RIT2: variants seen among roughly 807,000 people sequenced by gnomAD.
The protein encoded by RIT2 is GTP-binding protein Rit2.
A neutral mutation model predicts 23.7 loss-of-function variants in RIT2; 24 were observed. The ratio of observed to expected loss-of-function variants is 1.01; its 90% CI spans 0.73 to 1.43. The LOEUF (loss-of-function observed/expected upper bound fraction) is 1.43. Among genes scored for constraint, RIT2 ranks in the 40% most tolerant of loss-of-function variants. The probability of loss-of-function intolerance (pLI) is 0.00; values close to 1 mark genes in which losing one functional copy is unlikely to be tolerated. For synonymous variants in RIT2, 107 were observed against 91.1 expected, an observed-to-expected ratio of 1.17 and a Z score of -0.99; for missense variants, 236 against 266.9, an observed-to-expected ratio of 0.88 and a Z score of 0.81.
In RIT2 at chr18:42,848,831, G is replaced by A. The variant is rs79446258; in HGVS notation, c.426+74741C>T. Among the ~76,000 whole-genome samples, 423 of 152,244 alleles carry A rather than the reference G, an allele frequency of 2.8e-3. 2 individuals are homozygous for A. Among genetic ancestry groups the A allele is most frequent in the African/African-American group, 9.8e-3 (409 of 41,536 alleles). On this transcript the variant is annotated intron_variant, in intron 4 of 4. Coordinates refer to ENST00000326695, the MANE Select transcript of RIT2 (RefSeq NM_002930.4). ...GAGTTATTTATTAGAATAGTTTGAT[G>A]ATTGAAGCAATGTTTTGGTGCTTGA... is the stretch of plus-strand genomic sequence containing the variant.
intron 4 of RIT2, among the ~76,000 whole-genome samples, chr18:42,767,828 G>C (rs1057438837): frequency 6.6e-6 from 1 of 152,112 alleles, no homozygotes; most frequent in Admixed American, 6.5e-5. Context: ...AGTCTCATAA[G>C]ATCTGATGGG....
rs11393575 is a variant in RIT2 at position 43,057,798 on chromosome 18, C to CTTTTTTTT, written c.104-23939_104-23932dup. ...GAGCTAATCTTCCAAGTGATGGACA[C>CTTTTTTTT]TTTTTTTTTTTTTTTTTATCATCTA... is the stretch of plus-strand genomic sequence containing the variant. On this transcript the variant is annotated intron_variant, in intron 1 of 4. Transcript: ENST00000326695. Among the ~76,000 whole-genome samples, 75 of 122,660 alleles carry CTTTTTTTT rather than the reference C, an allele frequency of 6.1e-4. 4 individuals carry two copies. Among genetic ancestry groups the CTTTTTTTT allele is most frequent in the Admixed American group, 6.7e-4 (8 of 11,920 alleles). The allele number at this position is 122,660 out of a possible 152,430, so 80.5% of individuals were successfully genotyped here.
At chr18:42,916,065 C>G (rs1410895696) in intron 4 of RIT2, among the ~76,000 whole-genome samples, 3 of 151,906 alleles carry the variant, frequency 2.0e-5, no homozygotes, top group Non-Finnish European at 2.9e-5. Flanking sequence ...TATTCTAGCC[C>G]ACTGGCTCTC....
At chr18:42,852,638 C>G (rs1907083763) in intron 4 of RIT2, among the ~76,000 whole-genome samples, 1 of 152,168 alleles carries the variant, frequency 6.6e-6, no homozygotes, top group South Asian at 2.1e-4. Context: ...TTGTCCTCTT[C>G]TATGATCACA....
intron 4 of RIT2, among the ~76,000 whole-genome samples, chr18:42,782,374 GGATAATTTGCTTAA>G (rs1353866723): frequency 6.6e-6 from 1 of 151,932 alleles, no homozygotes; most frequent in African/African-American, 2.4e-5. Context: ...ACAGGCAGCA[GGATAATTTGCTTAA>G]GAAATAGAGA....
At chr18:43,109,881 A>G (rs1398523140) in intron 1 of RIT2, among the ~76,000 whole-genome samples, 2 of 152,190 alleles carry the variant, frequency 1.3e-5, no homozygotes, top group Non-Finnish European at 2.9e-5. Context: ...TAGGGACCAG[A>G]GAAGGACATA....
At chr18:42,909,862 CATA>C (rs760942219) in intron 4 of RIT2, among the ~76,000 whole-genome samples, 2 of 151,900 alleles carry the variant, frequency 1.3e-5, no homozygotes, top group East Asian at 1.9e-4. Flanking sequence ...TTGCTGTAAA[CATA>C]ATAAGACCAT....
At chr18:42,864,934 C>A (rs546243434) in intron 4 of RIT2, among the ~76,000 whole-genome samples, 18 of 152,236 alleles carry the variant, frequency 1.2e-4, no homozygotes, top group Non-Finnish European at 1.8e-4. Flanking sequence ...CCCCAACCAC[C>A]TGCCTTACTT....
intron 4 of RIT2, among the ~76,000 whole-genome samples, chr18:42,770,830 TG>T (rs1913534843): frequency 6.8e-6 from 1 of 147,088 alleles, no homozygotes; most frequent in African/African-American, 2.5e-5. Context: ...AAGAGAAGGA[TG>T]GAGAGAGGAA....
At chr18:42,933,283 G>T (rs1909371890) in intron 3 of RIT2, among the ~76,000 whole-genome samples, 1 of 151,542 alleles carries the variant, frequency 6.6e-6, no homozygotes, top group African/African-American at 2.4e-5. Flanking sequence ...AAGAAAATTG[G>T]GAGAAAAATG....
chr18:43,081,505 T>C (rs1184637498), intron 1 of RIT2, among the ~76,000 whole-genome samples: 2 of 152,150 alleles, frequency 1.3e-5, no homozygotes, highest in African/African-American at 4.8e-5. Flanking sequence ...ATTGTCATGC[T>C]GCTGCTAAGT....
intron 4 of RIT2, among the ~76,000 whole-genome samples, chr18:42,837,190 C>T (rs550388581): frequency 5.3e-5 from 1 of 18,894 alleles, no homozygotes; most frequent in Non-Finnish European, 1.4e-4. Flanking sequence ...TTTTTTGAGA[C>T]GGAGTCTCGC....
chr18:42,901,320 A>G (rs1908470702), intron 4 of RIT2, among the ~76,000 whole-genome samples: 1 of 152,006 alleles, frequency 6.6e-6, no homozygotes, highest in Non-Finnish European at 1.5e-5. Context: ...TGAACTAGCG[A>G]TGATTTTATG....
chr18:42,939,384 A>G (rs1229417105), intron 3 of RIT2, among the ~76,000 whole-genome samples: 2 of 152,114 alleles, frequency 1.3e-5, no homozygotes, highest in Non-Finnish European at 2.9e-5. Context: ...TCCTCTTGTA[A>G]TCTGCTTCCA....
At chr18:42,866,023 T>C (rs73471625) in intron 4 of RIT2, among the ~76,000 whole-genome samples, 3,871 of 152,212 alleles carry the variant, frequency 0.025, 164 homozygotes, top group African/African-American at 0.086. Flanking sequence ...ATCCTCAAGC[T>C]TGGTAAAACC....
chr18:43,087,861 C>T (rs912329884), intron 1 of RIT2, among the ~76,000 whole-genome samples: 5 of 152,146 alleles, frequency 3.3e-5, no homozygotes, highest in African/African-American at 1.2e-4. Flanking sequence ...AGTCGGGAAA[C>T]ATAAGTGACA....
chr18:42,800,001 A>G (rs1470253090), intron 4 of RIT2, among the ~76,000 whole-genome samples: 5 of 152,340 alleles, frequency 3.3e-5, no homozygotes, highest in African/African-American at 1.2e-4. Context: ...CCACGAAGCT[A>G]TCGGCTCCAT....
intron 4 of RIT2, among the ~76,000 whole-genome samples, chr18:42,910,341 G>T (rs1370065309): frequency 6.6e-6 from 1 of 152,090 alleles, no homozygotes; most frequent in Non-Finnish European, 1.5e-5. Flanking sequence ...TTATATGTGG[G>T]CTGTAAGAAA....
intron 4 of RIT2, among the ~76,000 whole-genome samples, chr18:42,750,881 T>C (rs1343938989): frequency 6.6e-6 from 1 of 151,800 alleles, no homozygotes; most frequent in Non-Finnish European, 1.5e-5. Flanking sequence ...CTAAAATTCA[T>C]AGAGAAGAAT....
Sources: gnomAD v4.1 joint callset for allele counts (sites outside exome capture counted in the v4.1 genomes callset) on GRCh38, gnomAD v4.1.1 for gene constraint, MANE v1.5 for transcripts, NCBI Gene and HGNC (gene_info 2026-07-23, HGNC 2026-07-21) for gene names.